NRXN1: variants seen among roughly 807,000 people sequenced by gnomAD.
The protein encoded by NRXN1 is neurexin 1, also known as neurexin-1.
Under a neutral mutation model 150.9 loss-of-function variants are expected in NRXN1, and 39 were observed. The ratio of observed to expected loss-of-function variants is 0.26; its 90% CI spans 0.20 to 0.34. The LOEUF (loss-of-function observed/expected upper bound fraction) is 0.34. NRXN1 is among the 10% of genes least tolerant of loss of function. The pLI, the probability that NRXN1 is intolerant of heterozygous loss-of-function variation, is 1.00. For missense variants in NRXN1, 1,815 were observed against 1,949.9 expected, an observed-to-expected ratio of 0.93 and a Z score of 1.30; for synonymous variants, 924 against 757.0, an observed-to-expected ratio of 1.22 and a Z score of -3.62.
intron 18 of NRXN1, among the ~76,000 whole-genome samples, chr2:50,153,401 TTTTG>T (rs982444046): frequency 1.3e-5 from 2 of 151,106 alleles, no homozygotes; most frequent in African/African-American, 2.4e-5. Context: ...GTAATTTTTT[TTTTG>T]TTGAAAAATG....
chr2:50,904,734 A>T (rs1262189350), intron 5 of NRXN1, among the ~76,000 whole-genome samples: 3 of 152,108 alleles, frequency 2.0e-5, no homozygotes, highest in Admixed American at 1.3e-4. Context: ...GTTGAAATAA[A>T]CTTTCTTAAT....
intron 5 of NRXN1, among the ~76,000 whole-genome samples, chr2:50,692,204 T>C (rs1356771571): frequency 6.6e-6 from 1 of 152,200 alleles, no homozygotes; most frequent in East Asian, 1.9e-4. Context: ...AATAATCCTC[T>C]ATAAGAAAAG....
intron 17 of NRXN1, among the ~76,000 whole-genome samples, chr2:50,457,398 A>G (rs9917332): frequency 0.55 from 82,832 of 151,866 alleles, 25,974 homozygotes; most frequent in East Asian, 0.92. Context: ...GACTGTGGGT[A>G]CAGAAAAGAA....
At position 50,577,443 on chromosome 2, in the gene NRXN1, G is replaced by A. The variant is rs151039320; in HGVS notation, c.1321-24418C>T. 4.0e-5 allele frequency among the ~76,000 whole-genome samples: 6 copies of A among 150,908 alleles called. No homozygotes were observed. In the East Asian group the frequency reaches 1.2e-3, roughly 29 times the overall value. ...AGACCTTTATGATTGATTTCCCGCA[G>A]TATCACTGCACGGCAGCATTCCATA... On this transcript the variant is annotated intron_variant, in intron 8 of 22. Transcript: ENST00000401669.
intron 17 of NRXN1, among the ~76,000 whole-genome samples, chr2:50,281,303 C>A (rs1025122402): frequency 2.1e-5 from 3 of 144,778 alleles, no homozygotes; most frequent in African/African-American, 7.8e-5. Context: ...GGTGACAGAG[C>A]AAGACTCCGT....
At chr2:49,937,294 T>TTTTG (rs897727142) in intron 22 of NRXN1, among the ~76,000 whole-genome samples, 4 of 152,162 alleles carry the variant, frequency 2.6e-5, no homozygotes, top group Non-Finnish European at 5.9e-5. Flanking sequence ...CTCCAGCCTT[T>TTTTG]TTTGTTTGTT....
intron 18 of NRXN1, among the ~76,000 whole-genome samples, chr2:50,206,520 C>A (rs2152839118): frequency 6.6e-6 from 1 of 152,000 alleles, no homozygotes; most frequent in African/African-American, 2.4e-5. Context: ...TTCCATTCCC[C>A]ACTTGATGGC....
chr2:50,457,547 T>C lies in NRXN1; in HGVS notation c.3364+7895A>G, dbSNP rs182074906. ...AATCTAAAGAACTGGAGAAAATATT[T>C]GCAGACTATTAATCCAAAGAAAAAG... On this transcript the variant is annotated intron_variant, in intron 17 of 22. Coordinates refer to ENST00000401669, the MANE Select transcript of NRXN1 (RefSeq NM_001330078.2). Among the ~76,000 whole-genome samples, 865 of 152,216 alleles carry C rather than the reference T, an allele frequency of 5.7e-3. 11 individuals are homozygous for C. The highest frequency in any genetic ancestry group is 0.019 in the African/African-American group (807 of 41,558).
intron 2 of NRXN1, among the ~76,000 whole-genome samples, chr2:51,017,228 G>A (rs759450198): frequency 2.0e-5 from 3 of 151,796 alleles, no homozygotes; most frequent in Admixed American, 6.6e-5. Flanking sequence ...TGCTCTGCCC[G>A]TGTATCCCGG....
chr2:50,967,474 T>C (rs183910551), intron 2 of NRXN1, among the ~76,000 whole-genome samples: 2 of 152,158 alleles, frequency 1.3e-5, no homozygotes, highest in African/African-American at 2.4e-5. Flanking sequence ...ATATTTCTTA[T>C]TTAAAACTTT....
chr2:50,893,024 T>C (rs1236957653), intron 5 of NRXN1, among the ~76,000 whole-genome samples: 1 of 152,150 alleles, frequency 6.6e-6, no homozygotes, highest in Non-Finnish European at 1.5e-5. Context: ...ACTCCTCTGA[T>C]GGGCAGTCTT....
chr2:51,007,467 C>T (rs958389406), intron 2 of NRXN1, among the ~76,000 whole-genome samples: 4 of 151,814 alleles, frequency 2.6e-5, no homozygotes, highest in South Asian at 2.1e-4. Flanking sequence ...ATAAGTTACT[C>T]GAAGTGTTAG....
intron 17 of NRXN1, among the ~76,000 whole-genome samples, chr2:50,383,882 C>T (rs1261684130): frequency 6.6e-6 from 1 of 152,132 alleles, no homozygotes; most frequent in Non-Finnish European, 1.5e-5. Context: ...ACAAAAAGAC[C>T]AGTTGGGAAC....
At chr2:50,456,836 C>T (rs558375447) in intron 17 of NRXN1, among the ~76,000 whole-genome samples, 1 of 152,164 alleles carries the variant, frequency 6.6e-6, no homozygotes, top group South Asian at 2.1e-4. Context: ...ACACTAATAA[C>T]CTCCGACTTA....
chr2:50,269,734 T>C (rs1008632672), intron 17 of NRXN1, among the ~76,000 whole-genome samples: 1 of 152,134 alleles, frequency 6.6e-6, no homozygotes, highest in Non-Finnish European at 1.5e-5. Context: ...ATTTTGAAAA[T>C]GTAAATATCA....
intron 5 of NRXN1, chr2:50,829,706 A>C: frequency 6.2e-7 from 1 of 1,601,268 alleles, no homozygotes; most frequent in Admixed American, 1.7e-5. Context: ...CCGCCCGCAC[A>C]CCCAGAGCTC....
chr2:50,691,808 CTCTCA>C, intron 5 of NRXN1, among the ~76,000 whole-genome samples: 1 of 151,958 alleles, frequency 6.6e-6, no homozygotes, highest in East Asian at 1.9e-4. Flanking sequence ...CATAGAAAAT[CTCTCA>C]TTCACTTTCT....
chr2:50,036,056 A>C (rs1215937333), intron 21 of NRXN1, among the ~76,000 whole-genome samples: 1 of 152,148 alleles, frequency 6.6e-6, no homozygotes, highest in Non-Finnish European at 1.5e-5. Flanking sequence ...AAATGCGCAG[A>C]ATAGAAATAG....
intron 12 of NRXN1, among the ~76,000 whole-genome samples, chr2:50,509,986 GATACAAAGAGAA>G: frequency 6.6e-6 from 1 of 152,204 alleles, no homozygotes; most frequent in African/African-American, 2.4e-5. Context: ...GCCATGTGAG[GATACAAAGAGAA>G]GGTGGCTGCC....
Sources: allele counts gnomAD v4.1 joint callset (sites outside exome capture counted in the v4.1 genomes callset), GRCh38; gene constraint gnomAD v4.1.1; transcripts MANE v1.5; gene names NCBI Gene and HGNC (gene_info 2026-07-23, HGNC 2026-07-21).